Variants in NRG1 observed in about 807,000 individuals in gnomAD.
The protein encoded by NRG1 is neuregulin 1, also known as pro-neuregulin-1, membrane-bound isoform.
Under a neutral mutation model 63.8 loss-of-function variants are expected in NRG1, and 18 were observed. That is an observed-to-expected ratio of 0.28 (90% CI 0.19 to 0.42). The LOEUF is 0.42. Among genes scored for constraint, NRG1 ranks in the 10% least tolerant of loss-of-function variants. The probability of loss-of-function intolerance (pLI) is 1.00; values close to 1 mark genes in which losing one functional copy is unlikely to be tolerated. For synonymous variants in NRG1, 302 were observed against 301.3 expected (o/e 1.00, Z -0.02); for missense variants, 762 against 814.7 (o/e 0.94, Z 0.79).
chr8:32,228,689 C>T (rs1269426904), intron 1 of NRG1, among the ~76,000 whole-genome samples: 1 of 152,134 alleles, frequency 6.6e-6, no homozygotes, highest in African/African-American at 2.4e-5. Context: ...GAGTATTATA[C>T]TCTATTTTTG....
At chr8:32,139,280 C>T (rs1411629884) in intron 1 of NRG1, 1 of 152,202 alleles carries the variant, frequency 6.6e-6, no homozygotes, top group Non-Finnish European at 1.5e-5. Flanking sequence ...CTTTGACCGC[C>T]ATTTCTCCCC....
chr8:31,742,288 C>T (rs1391304570), intron 1 of NRG1, among the ~76,000 whole-genome samples: 1 of 151,692 alleles, frequency 6.6e-6, no homozygotes, highest in Non-Finnish European at 1.5e-5. Context: ...ATGCTATCTA[C>T]AAATGTGTTG....
chr8:32,606,309 T>C (rs1251346158), intron 3 of NRG1, among the ~76,000 whole-genome samples: 2 of 151,820 alleles, frequency 1.3e-5, no homozygotes. Context: ...TAGTAGAAAG[T>C]TAAACCATTA....
At chr8:32,132,931 T>G (rs1835033713) in intron 1 of NRG1, among the ~76,000 whole-genome samples, 1 of 152,178 alleles carries the variant, frequency 6.6e-6, no homozygotes, top group African/African-American at 2.4e-5. Flanking sequence ...TAGACACTTT[T>G]GGGGAAGAAA....
In NRG1 at chr8:32,150,777, A is replaced by G. The variant is rs562948837; in HGVS notation, c.38-445051A>G. On this transcript the variant is annotated intron_variant, in intron 1 of 10. Coordinates refer to the NRG1 transcript ENST00000519301. ...CGACCTTCACTTTCAGCACATGTTCAAGTAAAAGAGAAAAATGTGTGTAAA... is the reference window on the plus strand; with the variant it reads ...CGACCTTCACTTTCAGCACATGTTCGAGTAAAAGAGAAAAATGTGTGTAAA... 2.0e-5 allele frequency among the ~76,000 whole-genome samples: 3 copies of G among 152,316 alleles called. No individual in the cohort carries two copies. The East Asian group carries it at 5.8e-4, about 29-fold the overall frequency.
At position 31,701,970 on chromosome 8, in the gene NRG1, C is replaced by T. The variant is rs559106833; in HGVS notation, c.37+62539C>T. ...ATTAGAACTGTAAATTTATGAGCCC[C>T]ACCTAACCTATTGAGTTACAATTTT... is the stretch of plus-strand genomic sequence containing the variant. On this transcript the variant is annotated intron_variant, in intron 1 of 10. Coordinates refer to the NRG1 transcript ENST00000519301. Among the ~76,000 whole-genome samples, 24 of 152,244 alleles carry T rather than the reference C, an allele frequency of 1.6e-4. No individual in the cohort carries two copies. In the Middle Eastern group the frequency reaches 0.01, roughly 65 times the overall value.
chr8:31,844,984 G>C (rs973001675), intron 1 of NRG1, among the ~76,000 whole-genome samples: 1 of 152,050 alleles, frequency 6.6e-6, no homozygotes, highest in Non-Finnish European at 1.5e-5. Flanking sequence ...GCGGGTGCCT[G>C]TAGTCCCAGC....
chr8:32,094,646 G>A (rs929304362), intron 1 of NRG1, among the ~76,000 whole-genome samples: 2 of 152,140 alleles, frequency 1.3e-5, no homozygotes, highest in African/African-American at 4.8e-5. Context: ...AAACAAGTAT[G>A]TGTTTTATCC....
intron 1 of NRG1, among the ~76,000 whole-genome samples, chr8:32,025,575 G>T (rs1181117537): frequency 6.6e-6 from 1 of 151,892 alleles, no homozygotes; most frequent in African/African-American, 2.4e-5. Context: ...TTTTCTAAAA[G>T]ATCCAAAGTT....
At chr8:31,703,138 C>T (rs932645318) in intron 1 of NRG1, among the ~76,000 whole-genome samples, 1 of 149,118 alleles carries the variant, frequency 6.7e-6, no homozygotes, top group African/African-American at 2.5e-5. Context: ...ATAAATAGAT[C>T]TAAGAACCTT....
At chr8:32,287,084 A>T (rs552316814) in intron 1 of NRG1, 1 of 152,356 alleles carries the variant, frequency 6.6e-6, no homozygotes, top group Non-Finnish European at 1.5e-5. Context: ...TTTTCTTTAT[A>T]AATTGCCCTG....
chr8:31,944,353 T>C (rs1802217920), intron 1 of NRG1, among the ~76,000 whole-genome samples: 1 of 152,206 alleles, frequency 6.6e-6, no homozygotes, highest in South Asian at 2.1e-4. Context: ...TCATATGGAA[T>C]ACATACTATT....
At chr8:32,559,037 C>T (rs1835769115) in intron 1 of NRG1, among the ~76,000 whole-genome samples, 1 of 137,936 alleles carries the variant, frequency 7.2e-6, no homozygotes, top group Non-Finnish European at 1.5e-5. Flanking sequence ...AATTATGATA[C>T]ACCACTGCAC....
chr8:31,946,920 C>T (rs1802634824), intron 1 of NRG1, among the ~76,000 whole-genome samples: 2 of 152,208 alleles, frequency 1.3e-5, no homozygotes, highest in African/African-American at 2.4e-5. Context: ...CATATTGTTT[C>T]TCTGCACATA....
At chr8:32,656,531 A>ATAAGT (rs1801527345) in intron 5 of NRG1, among the ~76,000 whole-genome samples, 1 of 152,186 alleles carries the variant, frequency 6.6e-6, no homozygotes, top group African/African-American at 2.4e-5. Context: ...ACAGACAGAT[A>ATAAGT]TAAGTTTGTA....
rs189368092 is a variant in NRG1, at chr8:32,723,733, G to A, written c.503-4216G>A. On this transcript the variant is annotated intron_variant, in intron 5 of 11. Coordinates refer to ENST00000356819, the Ensembl canonical transcript of NRG1. ...AAAAAAAAAAACAATTGTGGAAGGA[G>A]GTGAGGAAGGAAGGACGGAAATAAG... Among the ~76,000 whole-genome samples, 11 of 144,358 alleles carry A rather than the reference G, an allele frequency of 7.6e-5. No homozygotes were observed. In the East Asian group the frequency reaches 1.6e-3, roughly 21 times the overall value. 94.7% of individuals were successfully genotyped at this position (144,358 alleles called of 152,430 possible).
intron 1 of NRG1, among the ~76,000 whole-genome samples, chr8:32,459,131 A>G (rs1563492324): frequency 6.6e-6 from 1 of 152,186 alleles, no homozygotes; most frequent in Non-Finnish European, 1.5e-5. Context: ...CGGCATCTCC[A>G]ATTGAACATC....
chr8:31,868,703 G>T (rs1829211326), intron 1 of NRG1, among the ~76,000 whole-genome samples: 1 of 152,174 alleles, frequency 6.6e-6, no homozygotes, highest in Admixed American at 6.6e-5. Flanking sequence ...CTTTCACCGT[G>T]CACTGTCTGT....
intron 1 of NRG1, among the ~76,000 whole-genome samples, chr8:32,590,621 TTCC>T (rs1446795606): frequency 6.6e-6 from 1 of 152,228 alleles, no homozygotes; most frequent in Non-Finnish European, 1.5e-5. Flanking sequence ...TATAAAGTTA[TTCC>T]TGGGTATTAG....
Sources: gnomAD v4.1 joint callset for allele counts (sites outside exome capture counted in the v4.1 genomes callset) on GRCh38, gnomAD v4.1.1 for gene constraint, MANE v1.5 for transcripts, NCBI Gene and HGNC (gene_info 2026-07-23, HGNC 2026-07-21) for gene names.